The following KDM1A variants were observed in gnomAD, a reference collection of about 807,000 sequenced individuals.
KDM1A encodes lysine-specific histone demethylase 1A.
A neutral mutation model predicts 109.4 loss-of-function variants in KDM1A; 49 were observed. The observed-to-expected ratio is 0.45, with a 90% CI of 0.36 to 0.57. The LOEUF (loss-of-function observed/expected upper bound fraction) is 0.57, where lower values mean the gene tolerates loss of function less well. Ranked by LOEUF, KDM1A falls within the 20% of genes least tolerant of loss-of-function variation. The pLI, the probability that KDM1A is intolerant of heterozygous loss-of-function variation, is 0.00. For synonymous variants in KDM1A, 380 were observed against 415.4 expected, an observed-to-expected ratio of 0.91 and a Z score of 1.04; for missense variants, 668 against 1,116.6, an observed-to-expected ratio of 0.60 and a Z score of 5.73.
intron 1 of KDM1A, chr1:23,020,313 CAGAT>C (rs1174802998): frequency 5.8e-6 from 1 of 172,990 alleles, no homozygotes; most frequent in East Asian, 1.5e-4. Context: ...TGTTTGTTCA[CAGAT>C]AGGTCTGGAA....
intron 2 of KDM1A, among the ~76,000 whole-genome samples, chr1:23,032,284 G>A (rs1557508850): frequency 6.6e-6 from 1 of 151,158 alleles, no homozygotes; most frequent in African/African-American, 2.4e-5. Flanking sequence ...TTTACCATAG[G>A]TTCCAAGTTG....
intron 9 of KDM1A, among the ~76,000 whole-genome samples, chr1:23,060,545 G>A (rs1359531975): frequency 2.0e-5 from 3 of 152,220 alleles, no homozygotes; most frequent in Admixed American, 6.5e-5. Flanking sequence ...GCAAGAGGGT[G>A]TATGAAGGTG....
rs891086174 is a variant in KDM1A, at chr1:23,020,037, G to A, written c.351+90G>A. ...CCTCCCCCGCCGCCGCCGGGTCTTG[G>A]GCCCTGCGACCACTCAGACCTCCCC... On this transcript the variant is annotated intron_variant, in intron 1 of 20. Transcript: ENST00000400181. 5.2e-6 allele frequency: 7 copies of A among 1,337,646 alleles called. No individual in the cohort carries two copies. The African/African-American group carries it at 1.1e-4, about 21-fold the overall frequency. 82.9% of individuals were successfully genotyped at this position (1,337,646 alleles called of 1,614,324 possible).
chr1:23,066,052 G>A lies in KDM1A; in HGVS notation c.1168-8G>A. The A allele has an allele frequency of 6.2e-7, 1 of 1,607,644 alleles. No homozygotes were observed. The highest frequency in any genetic ancestry group is 2.2e-5 in the East Asian group (1 of 44,702). ...GTTTATTTCTCTCTCTGCTGCACTGGTTAAAAGGACACTGTCAAGGTATTT... is the reference window on the plus strand; with the variant it reads ...GTTTATTTCTCTCTCTGCTGCACTGATTAAAAGGACACTGTCAAGGTATTT... On this transcript the variant is annotated splice_polypyrimidine_tract_variant and splice_region_variant and intron_variant, in intron 9 of 20. Transcript: ENST00000400181.
At chr1:23,068,265 C>T (rs1321338740) in intron 10 of KDM1A, among the ~76,000 whole-genome samples, 1 of 152,144 alleles carries the variant, frequency 6.6e-6, no homozygotes, top group African/African-American at 2.4e-5. Flanking sequence ...CAGTTAGCAC[C>T]AGTGTAAATC....
At chr1:23,020,816 T>G (rs1462145895) in intron 1 of KDM1A, among the ~76,000 whole-genome samples, 3 of 152,172 alleles carry the variant, frequency 2.0e-5, no homozygotes, top group Admixed American at 2.0e-4. Flanking sequence ...GTGATGGAAG[T>G]GGAATGTAAT....
At chr1:23,020,047 C>T (rs1388939465) in intron 1 of KDM1A, 100 bp downstream of exon 1, 7 of 1,227,362 alleles carry the variant, frequency 5.7e-6, no homozygotes, top group Non-Finnish European at 7.4e-6. Context: ...GGCCCTGCGA[C>T]CACTCAGACC....
intron 18 of KDM1A, among the ~76,000 whole-genome samples, chr1:23,080,099 G>C (rs1213316998): frequency 6.6e-6 from 1 of 152,194 alleles, no homozygotes; most frequent in Non-Finnish European, 1.5e-5. Context: ...GGACTTAACT[G>C]TATGTAGACT....
chr1:23,066,015 CTGTTATTTA>C, intron 9 of KDM1A, 36 bp from the exon 10 acceptor site: 1 of 1,602,426 alleles, frequency 6.2e-7, no homozygotes, highest in Non-Finnish European at 8.5e-7. Context: ...GGCTGTTGGG[CTGTTATTTA>C]CAGTTTATTT....
intron 2 of KDM1A, among the ~76,000 whole-genome samples, chr1:23,040,011 G>C (rs1642261134): frequency 1.3e-5 from 2 of 152,176 alleles, no homozygotes; most frequent in Non-Finnish European, 2.9e-5. Context: ...TTTAACTTTT[G>C]AAATGTTTCT....
At position 23,083,407 on chromosome 1, in the gene KDM1A, G is replaced by A; in HGVS notation, c.*43G>A. On this transcript the variant is annotated 3_prime_UTR_variant, in exon 21 of 21. Coordinates refer to ENST00000400181, the MANE Select transcript of KDM1A (RefSeq NM_001009999.3). ...GGAAGAGGCCCATGTGCCTGTTTCTGCCATGTAAGGAAGGCTCTTCTAGCA... is the reference window on the plus strand; with the variant it reads ...GGAAGAGGCCCATGTGCCTGTTTCTACCATGTAAGGAAGGCTCTTCTAGCA... The A allele has an allele frequency of 1.3e-6, 2 of 1,561,044 alleles. No individual in the cohort carries two copies. The highest frequency in any genetic ancestry group is 1.7e-6 in the Non-Finnish European group (2 of 1,148,390).
At chr1:23,063,987 A>C (rs1438158639) in intron 9 of KDM1A, among the ~76,000 whole-genome samples, 2 of 152,306 alleles carry the variant, frequency 1.3e-5, no homozygotes, top group African/African-American at 4.8e-5. Flanking sequence ...TCCTGGGCTA[A>C]AGTGATTCTC....
At chr1:23,034,458 C>T (rs1460081969) in intron 2 of KDM1A, among the ~76,000 whole-genome samples, 5 of 152,280 alleles carry the variant, frequency 3.3e-5, no homozygotes, top group Non-Finnish European at 7.4e-5. Context: ...GAATAATTGT[C>T]CCCCAGTAAA....
intron 9 of KDM1A, among the ~76,000 whole-genome samples, chr1:23,063,919 G>A (rs1348223847): frequency 6.6e-6 from 1 of 152,206 alleles, no homozygotes; most frequent in African/African-American, 2.4e-5. Context: ...GACAGATCTT[G>A]CAGTGTTGCC....
chr1:23,038,003 T>C (rs1642199139), intron 2 of KDM1A, among the ~76,000 whole-genome samples: 1 of 152,228 alleles, frequency 6.6e-6, no homozygotes, highest in African/African-American at 2.4e-5. Context: ...GTCTACAAAA[T>C]GAGACTTGTT....
chr1:23,071,219 T>C lies in KDM1A; in HGVS notation c.1414-6T>C, dbSNP rs954607722. On this transcript the variant is annotated splice_region_variant and splice_polypyrimidine_tract_variant and intron_variant, in intron 12 of 20. Transcript: ENST00000400181. Reference sequence around the variant, plus strand: ...GGAATGGTAAATTTGTATTTTTCCTTCTTAGATGGTAAATTTGAAAGAGAA... The same window carrying C: ...GGAATGGTAAATTTGTATTTTTCCTCCTTAGATGGTAAATTTGAAAGAGAA... 52 of 1,595,780 alleles carry C rather than the reference T, an allele frequency of 3.3e-5. No individual in the cohort carries two copies. The highest frequency in any genetic ancestry group is 4.4e-5 in the Non-Finnish European group (52 of 1,172,542).
At chr1:23,043,904 T>A (rs970468649) in intron 2 of KDM1A, among the ~76,000 whole-genome samples, 2 of 152,244 alleles carry the variant, frequency 1.3e-5, no homozygotes, top group Non-Finnish European at 2.9e-5. Flanking sequence ...CATATTTAAC[T>A]GTACTAGTGT....
intron 1 of KDM1A, among the ~76,000 whole-genome samples, chr1:23,026,353 TTTTG>T (rs1460978593): frequency 6.7e-6 from 1 of 150,280 alleles, no homozygotes; most frequent in Non-Finnish European, 1.5e-5. Flanking sequence ...AAGGAAAAAG[TTTTG>T]TTTTTTTGTG....
Position 23,077,356 on chromosome 1 carries a change from T to G in KDM1A, c.1863T>G (p.Ala621=). 1 of 1,611,824 alleles carries G rather than the reference T, an allele frequency of 6.2e-7. No homozygotes were observed. Among genetic ancestry groups the G allele is most frequent in the East Asian group, 2.2e-5 (1 of 44,782 alleles). The stretch of plus-strand genomic sequence containing the variant: ...CAGTGCGACAGGTTCGCTACACGGC[T>G]TCAGGTATGTCACTGCTTTACAAAA... ...NTAVRQVRYT[A]SGCEVIAVNT... is the part of the protein sequence containing the mutation. Residue 621 remains alanine, a synonymous_variant, in exon 16 of 21, where the codon GCT becomes GCG. Transcript: ENST00000400181.
Sources: gnomAD v4.1 joint callset for allele counts (sites outside exome capture counted in the v4.1 genomes callset) on GRCh38, gnomAD v4.1.1 for gene constraint, MANE v1.5 for transcripts, NCBI Gene and HGNC (gene_info 2026-07-23, HGNC 2026-07-21) for gene names.